The following SLC3A1 variants were observed in gnomAD, a reference collection of about 807,000 sequenced individuals.
SLC3A1 encodes amino acid transporter heavy chain SLC3A1.
SLC3A1 carries 78 observed loss-of-function variants against 60.3 expected under a neutral mutation model. The observed-to-expected ratio is 1.29, with a 90% CI of 1.08 to 1.56. SLC3A1 has a LOEUF of 1.56. Ranked by LOEUF, SLC3A1 falls within the 40% of genes most tolerant of loss-of-function variation. The pLI, the probability that SLC3A1 is intolerant of heterozygous loss-of-function variation, is 0.00. For synonymous variants in SLC3A1, 392 were observed against 307.9 expected (o/e 1.27, Z -2.86); for missense variants, 1,172 against 858.9 (o/e 1.36, Z -4.56).
chr2:44,294,311 C>T (rs1245871558), intron 4 of SLC3A1, among the ~76,000 whole-genome samples: 1 of 151,890 alleles, frequency 6.6e-6, no homozygotes, highest in Admixed American at 6.6e-5. Flanking sequence ...TCGAGATGAG[C>T]CTGGTCAACA....
At chr2:44,284,812 C>G (rs940575789) in intron 3 of SLC3A1, among the ~76,000 whole-genome samples, 1 of 152,228 alleles carries the variant, frequency 6.6e-6, no homozygotes, top group Admixed American at 6.5e-5. Flanking sequence ...GCAGTCCTCC[C>G]GCTTCAGCTC....
chr2:44,281,206 T>G (rs1167327128), intron 2 of SLC3A1, among the ~76,000 whole-genome samples, 181 bp from the exon 3 acceptor site: 1 of 134,382 alleles, frequency 7.4e-6, no homozygotes, highest in East Asian at 2.4e-4. Context: ...TCTCCCAGGC[T>G]GGAGTGCAGT....
chr2:44,281,550 C>A lies in SLC3A1; in HGVS notation c.765+9C>A. 1 of 1,613,520 alleles carries A rather than the reference C, an allele frequency of 6.2e-7. No individual in the cohort carries two copies. The highest frequency in any genetic ancestry group is 1.1e-5 in the South Asian group (1 of 91,048). ...TTCCACCCAACAACTGGGTAAGTAT[C>A]AACCTGTCTGACTTACAAAGGGGTA... On this transcript the variant is annotated intron_variant, in intron 3 of 9. Coordinates refer to ENST00000260649, the MANE Select transcript of SLC3A1 (RefSeq NM_000341.4).
chr2:44,284,945 C>A (rs146744132), intron 3 of SLC3A1: 145 of 152,238 alleles, frequency 9.5e-4, no homozygotes, highest in African/African-American at 3.2e-3. Flanking sequence ...ATTCCTAATA[C>A]AGTAATTATC....
At chr2:44,291,186 T>C (rs1310573392) in intron 4 of SLC3A1, among the ~76,000 whole-genome samples, 2 of 152,216 alleles carry the variant, frequency 1.3e-5, no homozygotes, top group African/African-American at 4.8e-5. Context: ...CTTCACTTTT[T>C]CTGCACAGAT....
At position 44,275,616 on chromosome 2, in the gene SLC3A1, T is replaced by A. The variant is rs1423203601; in HGVS notation, c.81T>A (p.Asn27Lys). The change falls in exon 1 of 10, where the codon AAT (asparagine) becomes AAA (lysine). Residue 27 changes from asparagine (N) to lysine (K), a missense_variant. Coordinates refer to ENST00000260649, the MANE Select transcript of SLC3A1 (RefSeq NM_000341.4). ...AGACAAACAACGGGTTTGTCCATAA[T>A]GAAGACATTCTGGAGCAGACCCCGG... is the stretch of plus-strand genomic sequence containing the variant. ...GCQTNNGFVH[N>K]EDILEQTPDP... The A allele has an allele frequency of 6.2e-7, 1 of 1,614,064 alleles. No individual in the cohort carries two copies. Among genetic ancestry groups the A allele is most frequent in the Admixed American group, 1.7e-5 (1 of 60,012 alleles).
chr2:44,295,707 C>G (rs960510162), intron 4 of SLC3A1, among the ~76,000 whole-genome samples: 1 of 152,200 alleles, frequency 6.6e-6, no homozygotes, highest in Non-Finnish European at 1.5e-5. Context: ...CAACATTTCA[C>G]AATGCTGAGA....
chr2:44,310,526 CATG>C (rs1672268472), intron 7 of SLC3A1, among the ~76,000 whole-genome samples: 1 of 152,150 alleles, frequency 6.6e-6, no homozygotes, highest in Non-Finnish European at 1.5e-5. Flanking sequence ...AGACTCCTTA[CATG>C]TGATGTACCA....
intron 3 of SLC3A1, among the ~76,000 whole-genome samples, chr2:44,284,774 C>G (rs1671577569): frequency 6.6e-6 from 1 of 152,124 alleles, no homozygotes; most frequent in African/African-American, 2.4e-5. Flanking sequence ...CTATGTTGCC[C>G]AAGCTGGTCT....
intron 4 of SLC3A1, among the ~76,000 whole-genome samples, chr2:44,287,651 G>A (rs1463825317): frequency 6.6e-6 from 1 of 151,982 alleles, no homozygotes; most frequent in African/African-American, 2.4e-5. Context: ...AAGAGGTGGG[G>A]GCTGATCATT....
chr2:44,293,487 A>C (rs983591139), intron 4 of SLC3A1, among the ~76,000 whole-genome samples: 1 of 151,412 alleles, frequency 6.6e-6, no homozygotes, highest in South Asian at 2.1e-4. Context: ...ACTGCACTCC[A>C]GCCTGGGCAA....
intron 9 of SLC3A1, chr2:44,317,653 AATTTTCAAAGAATT>A (rs1282270077): frequency 6.6e-6 from 1 of 152,304 alleles, no homozygotes; most frequent in African/African-American, 2.4e-5. Context: ...ACATAAAAAT[AATTTTCAAAGAATT>A]ATTTTCAAAG....
At chr2:44,311,107 T>G (rs561201637) in intron 7 of SLC3A1, among the ~76,000 whole-genome samples, 166 of 152,318 alleles carry the variant, frequency 1.1e-3, no homozygotes, top group African/African-American at 3.8e-3. Context: ...ATTCTTCTTT[T>G]TCTTTCTGGT....
chr2:44,289,098 G>A (rs542459047), intron 4 of SLC3A1, among the ~76,000 whole-genome samples: 27 of 152,046 alleles, frequency 1.8e-4, no homozygotes, highest in African/African-American at 6.5e-4. Context: ...GCCTCCCACA[G>A]TGCTGGGATT....
chr2:44,299,930 C>G, intron 4 of SLC3A1, 41 bp from the exon 5 acceptor site: 1 of 1,608,076 alleles, frequency 6.2e-7, no homozygotes. Flanking sequence ...GTGATAATAA[C>G]GTAGTTAATG....
intron 1 of SLC3A1, among the ~76,000 whole-genome samples, chr2:44,279,472 T>C (rs778894495): frequency 1.3e-4 from 20 of 152,200 alleles, no homozygotes; most frequent in Non-Finnish European, 2.9e-4. Flanking sequence ...GCCAATGCCC[T>C]GATGCCCTTA....
At chr2:44,312,778 T>C (rs113255630) in intron 8 of SLC3A1, 25 bp downstream of exon 8, 12 of 1,588,016 alleles carry the variant, frequency 7.6e-6, no homozygotes, top group African/African-American at 2.9e-5. Flanking sequence ...ACTTGACTAT[T>C]CATCACAGCT....
At chr2:44,319,622 G>GAAAAAAAAA (rs1672752042) in intron 9 of SLC3A1, 1 of 152,756 alleles carries the variant, frequency 6.5e-6, no homozygotes, top group Non-Finnish European at 1.5e-5. Flanking sequence ...ATACTATTAT[G>GAAAAAAAAA]GTAAAAAAAA....
chr2:44,306,570 T>TG (rs1234007230), intron 7 of SLC3A1, among the ~76,000 whole-genome samples: 1 of 142,040 alleles, frequency 7.0e-6, no homozygotes, highest in African/African-American at 2.8e-5. Context: ...TTTTTTTTTT[T>TG]TTGAGACGGA....
Sources: allele counts gnomAD v4.1 joint callset (sites outside exome capture counted in the v4.1 genomes callset), GRCh38; gene constraint gnomAD v4.1.1; transcripts MANE v1.5; gene names NCBI Gene and HGNC (gene_info 2026-07-23, HGNC 2026-07-21).